Variants in COQ10B observed in about 807,000 individuals in gnomAD.
COQ10B encodes the protein coenzyme Q10B.
COQ10B carries 12 observed loss-of-function variants against 27.6 expected under a neutral mutation model. The ratio of observed to expected loss-of-function variants is 0.43; its 90% CI spans 0.28 to 0.70. The LOEUF is 0.70. Among genes scored for constraint, COQ10B ranks in the 30% least tolerant of loss-of-function variants. The pLI is 0.17. For synonymous variants in COQ10B, 115 were observed against 103.0 expected (o/e 1.12, Z -0.71); for missense variants, 278 against 288.7 (o/e 0.96, Z 0.27).
intron 4 of COQ10B, among the ~76,000 whole-genome samples, chr2:197,473,411 A>AT (rs1553575302): frequency 8.2e-5 from 5 of 61,202 alleles, no homozygotes; most frequent in African/African-American, 1.9e-4. Flanking sequence ...ACAAAAAAAA[A>AT]AAAAATATAT....
chr2:197,461,559 C>CTGTGTGTGTGTGTGTGTG (rs60261177), intron 2 of COQ10B, among the ~76,000 whole-genome samples: 9 of 139,760 alleles, frequency 6.4e-5, no homozygotes, highest in African/African-American at 1.3e-4. Context: ...CTGATTTAGT[C>CTGTGTGTGTGTGTGTGTG]TGTGTGTGTG....
rs116717703 is a variant in COQ10B, at chr2:197,459,268, G to A, written c.105-664G>A. On this transcript the variant is annotated intron_variant, in intron 1 of 4. Transcript: ENST00000263960. ...TGCAACCTCGAAGTGCTGTATTCAA[G>A]CGATCCTGCTGCCTCAGATTCCTGA... is the stretch of plus-strand genomic sequence containing the variant. 7.3e-3 allele frequency among the ~76,000 whole-genome samples: 1,110 copies of A among 152,262 alleles called. 15 individuals carry two copies. Among genetic ancestry groups the A allele is most frequent in the Non-Finnish European group, 0.013 (863 of 68,014 alleles).
chr2:197,471,225 C>T (rs1448589413), intron 4 of COQ10B, among the ~76,000 whole-genome samples: 2 of 152,016 alleles, frequency 1.3e-5, no homozygotes, highest in East Asian at 1.9e-4. Context: ...TCAGTGTAAC[C>T]TCTGCTTCCC....
At chr2:197,468,871 A>T (rs1398067354) in intron 3 of COQ10B, among the ~76,000 whole-genome samples, 1 of 150,306 alleles carries the variant, frequency 6.7e-6, no homozygotes, top group Non-Finnish European at 1.5e-5. Context: ...GGTGGGAAAA[A>T]ATAAAAATAA....
At chr2:197,468,294 T>G (rs1046831057) in intron 3 of COQ10B, among the ~76,000 whole-genome samples, 1 of 151,412 alleles carries the variant, frequency 6.6e-6, no homozygotes, top group African/African-American at 2.4e-5. Context: ...CGAAAAAAAA[T>G]TAGCCGAGCA....
chr2:197,463,934 C>CAAAAAA (rs544425623), intron 3 of COQ10B, among the ~76,000 whole-genome samples: 1 of 13,898 alleles, frequency 7.2e-5, no homozygotes, highest in African/African-American at 2.9e-4. Context: ...AACTCTGTCT[C>CAAAAAA]AAAAAAAAAA....
chr2:197,473,279 A>G (rs2085897646), intron 4 of COQ10B, among the ~76,000 whole-genome samples: 1 of 150,982 alleles, frequency 6.6e-6, no homozygotes, highest in South Asian at 2.1e-4. Context: ...CTGGCTGGGC[A>G]CAGTGGCTCA....
chr2:197,473,434 A>G lies in COQ10B; in HGVS notation c.550-323A>G, dbSNP rs1446040934. ...AAAAAAAATATATATATATATATAT[A>G]TATATATACACATATATACATATAT... On this transcript the variant is annotated intron_variant, in intron 4 of 4. Transcript: ENST00000263960. 2.4e-3 allele frequency among the ~76,000 whole-genome samples: 266 copies of G among 109,212 alleles called. 20 individuals are homozygous for G. Among genetic ancestry groups the G allele is most frequent in the Non-Finnish European group, 2.9e-3 (149 of 50,752 alleles). 71.6% of individuals were successfully genotyped at this position (109,212 alleles called of 152,430 possible).
rs139890973 is a variant in COQ10B, at chr2:197,453,612, C to G, written c.52C>G (p.Arg18Gly). ...CTTGAGAAGGGTAGTCTCGGGATGCCGTCCGAAGTCGGCGACAGCGGCCGG... is the reference window on the plus strand; with the variant it reads ...CTTGAGAAGGGTAGTCTCGGGATGCGGTCCGAAGTCGGCGACAGCGGCCGG... ...TALRRVVSGCRPKSATAAGAQ... is the reference protein window; with the variant it reads ...TALRRVVSGCGPKSATAAGAQ... The change falls in exon 1 of 5, where the codon CGT (arginine) becomes GGT (glycine). Residue 18 changes from arginine (R) to glycine (G), a missense_variant. By Grantham distance (125) the Arg-to-Gly change is moderately radical. Transcript: ENST00000263960. 1 of 1,613,968 alleles carries G rather than the reference C, an allele frequency of 6.2e-7. No homozygotes were observed.
At chr2:197,454,759 A>G (rs2085677775) in intron 1 of COQ10B, among the ~76,000 whole-genome samples, 1 of 152,212 alleles carries the variant, frequency 6.6e-6, no homozygotes. Flanking sequence ...TTCAGTTCCA[A>G]GATAAATACT....
intron 1 of COQ10B, among the ~76,000 whole-genome samples, chr2:197,456,595 T>G (rs1217143983): frequency 6.6e-6 from 1 of 150,714 alleles, no homozygotes; most frequent in Non-Finnish European, 1.5e-5. Flanking sequence ...AAACCCCATC[T>G]CAACTAAAAA....
At chr2:197,471,443 A>G (rs989388602) in intron 4 of COQ10B, among the ~76,000 whole-genome samples, 2 of 152,088 alleles carry the variant, frequency 1.3e-5, no homozygotes, top group South Asian at 4.1e-4. Flanking sequence ...CACCCAGCCT[A>G]GTAACTTTCT....
In COQ10B at chr2:197,473,918, C is replaced by A. The variant is rs1205973348; in HGVS notation, c.711C>A (p.His237Gln). The change falls in exon 5 of 5, where the codon CAC becomes CAA. Residue 237 changes from histidine to glutamine, a missense_variant. His to Gln is a conservative substitution (Grantham distance 24, BLOSUM62 0). Coordinates refer to ENST00000263960, the MANE Select transcript of COQ10B (RefSeq NM_025147.5). ...PRELMLHEVHHT is the reference protein window; with the variant it reads ...PRELMLHEVHQT ...AGTTAATGCTTCATGAAGTCCATCA[C>A]ACATAAAGGCAAAAAAGAACTGGTG... The A allele has an allele frequency of 2.0e-6, 3 of 1,498,212 alleles. No individual in the cohort carries two copies. Among genetic ancestry groups the A allele is most frequent in the Non-Finnish European group, 2.7e-6 (3 of 1,115,824 alleles). 92.8% of individuals were successfully genotyped at this position (1,498,212 alleles called of 1,614,324 possible). A position where few individuals can be genotyped will look rare whatever the true frequency, so the allele number is the denominator to read the frequency against.
intron 1 of COQ10B, chr2:197,454,331 A>G (rs2085672467): frequency 4.0e-6 from 2 of 495,578 alleles, no homozygotes; most frequent in Non-Finnish European, 3.6e-6. Flanking sequence ...TCCTTTTACT[A>G]ATAACATTGT....
At chr2:197,456,546 C>T (rs112910052) in intron 1 of COQ10B, among the ~76,000 whole-genome samples, 1 of 151,012 alleles carries the variant, frequency 6.6e-6, no homozygotes, top group Non-Finnish European at 1.5e-5. Context: ...GGGCGGATCA[C>T]AAGGTCAGGA....
Position 197,474,826 on chromosome 2 carries a change from T to TG in COQ10B, c.*902_*903insG, listed in dbSNP as rs1393602422. 1 of 151,736 alleles carries TG rather than the reference T, an allele frequency of 6.6e-6. No individual in the cohort carries two copies. The highest frequency in any genetic ancestry group is 1.5e-5 in the Non-Finnish European group (1 of 67,878). 9.4% of individuals were successfully genotyped at this position (151,736 alleles called of 1,614,324 possible). On this transcript the variant is annotated 3_prime_UTR_variant, in exon 5 of 5. Transcript: ENST00000263960. ...AACAGTGTATTTTCTTCTTTTTTTT[T>TG]TTTTTTTTGGTGAGTGGTCCAGAGC...
At chr2:197,466,719 T>C (rs2085827889) in intron 3 of COQ10B, among the ~76,000 whole-genome samples, 1 of 152,144 alleles carries the variant, frequency 6.6e-6, no homozygotes, top group Admixed American at 6.5e-5. Flanking sequence ...CATTAGATGA[T>C]CATAGCTATC....
intron 2 of COQ10B, among the ~76,000 whole-genome samples, chr2:197,460,595 T>TAC (rs2085746132): frequency 6.6e-6 from 1 of 152,216 alleles, no homozygotes; most frequent in African/African-American, 2.4e-5. Context: ...ATTTATGACT[T>TAC]ACATTTTTTG....
At chr2:197,458,163 C>T (rs540458148) in intron 1 of COQ10B, among the ~76,000 whole-genome samples, 2 of 150,250 alleles carry the variant, frequency 1.3e-5, no homozygotes, top group East Asian at 3.9e-4. Flanking sequence ...GTCGCCCAGG[C>T]TGGAGTGCAG....
Sources: gnomAD v4.1 joint callset for allele counts (sites outside exome capture counted in the v4.1 genomes callset) on GRCh38, gnomAD v4.1.1 for gene constraint, MANE v1.5 for transcripts, NCBI Gene and HGNC (gene_info 2026-07-23, HGNC 2026-07-21) for gene names.